Variants in CLEC19A observed in about 807,000 individuals in gnomAD.
The protein encoded by CLEC19A is C-type lectin domain containing 19A, also known as C-type lectin domain family 19 member A.
Under a neutral mutation model 26.1 loss-of-function variants are expected in CLEC19A, and 21 were observed. That is an observed-to-expected ratio of 0.80 (90% CI 0.57 to 1.16). The LOEUF (loss-of-function observed/expected upper bound fraction) is 1.16. Among genes scored for constraint, CLEC19A ranks in the 50% most tolerant of loss-of-function variants. CLEC19A has a pLI of 0.00. For synonymous variants in CLEC19A, 89 were observed against 88.6 expected (o/e 1.00, Z -0.03); for missense variants, 224 against 227.6 (o/e 0.98, Z 0.10).
chr16:19,303,892 T>C (rs1025422164), intron 2 of CLEC19A, 170 bp from the exon 3 acceptor site: 3 of 571,826 alleles, frequency 5.2e-6, no homozygotes, highest in Admixed American at 3.0e-5. Context: ...GAGATGCCCA[T>C]GTAGGACCGG....
intron 2 of CLEC19A, chr16:19,303,824 T>G: frequency 2.5e-6 from 1 of 401,234 alleles, no homozygotes; most frequent in Non-Finnish European, 4.5e-6. Context: ...TGGATTTAAA[T>G]TTTTAGGGAT....
chr16:19,309,074 CATTCATTG>C lies in CLEC19A; in HGVS notation c.555_*1del. 1 of 1,547,926 alleles carries C rather than the reference CATTCATTG, an allele frequency of 6.5e-7. No homozygotes were observed. The highest frequency in any genetic ancestry group is 8.7e-7 in the Non-Finnish European group (1 of 1,146,410). On this transcript the variant is annotated frameshift_variant and stop_lost, in exon 5 of 5. Transcript: ENST00000636231. LOFTEE classifies it high-confidence loss of function. Reference sequence around the variant, plus strand: ...TTGTCTGCAAAATCCCATCTCTGACCATTCATTGATCCTGTCTTGTCCTACTGGTGTGA... The same window carrying C: ...TTGTCTGCAAAATCCCATCTCTGACCATCCTGTCTTGTCCTACTGGTGTGA...
chr16:19,302,849 G>A (rs1897865081), intron 2 of CLEC19A, among the ~76,000 whole-genome samples: 1 of 152,110 alleles, frequency 6.6e-6, no homozygotes, highest in Non-Finnish European at 1.5e-5. Context: ...GTCCAGACAT[G>A]GCTACAACCT....
intron 2 of CLEC19A, among the ~76,000 whole-genome samples, chr16:19,299,595 C>G (rs984025673): frequency 1.3e-5 from 2 of 152,222 alleles, no homozygotes; most frequent in Non-Finnish European, 2.9e-5. Context: ...TATATTCCCC[C>G]TGCTGGGAAT....
chr16:19,289,615 G>C (rs149471369), intron 1 of CLEC19A, among the ~76,000 whole-genome samples: 7 of 152,234 alleles, frequency 4.6e-5, no homozygotes, highest in Admixed American at 2.6e-4. Context: ...GGGATGATAC[G>C]GATACTCCCT....
chr16:19,305,516 T>C (rs1897933001), intron 3 of CLEC19A, among the ~76,000 whole-genome samples: 1 of 152,160 alleles, frequency 6.6e-6, no homozygotes, highest in South Asian at 2.1e-4. Flanking sequence ...GAGTCTCTAT[T>C]TTGCGTGTAT....
chr16:19,309,987 A>C lies in CLEC19A; in HGVS notation c.*904A>C, dbSNP rs1898037322. 2 of 152,166 alleles carry C rather than the reference A, an allele frequency of 1.3e-5. No individual in the cohort carries two copies. The highest frequency in any genetic ancestry group is 4.1e-4 in the South Asian group (2 of 4,820). The allele number at this position is 152,166 out of a possible 1,614,324, so 9.4% of individuals were successfully genotyped here. A position where few individuals can be genotyped will look rare whatever the true frequency, so the allele number is the denominator to read the frequency against. On this transcript the variant is annotated 3_prime_UTR_variant, in exon 5 of 5. Coordinates refer to ENST00000636231, the MANE Select transcript of CLEC19A (RefSeq NM_001256720.2). Reference sequence around the variant, plus strand: ...TTCCCGTCAACACATGGGCTCAAAGATGAGGCTGGTTCTTCAAAGGAAAAC... The same window carrying C: ...TTCCCGTCAACACATGGGCTCAAAGCTGAGGCTGGTTCTTCAAAGGAAAAC...
chr16:19,299,203 C>T (rs1897766857), intron 2 of CLEC19A, among the ~76,000 whole-genome samples: 1 of 152,194 alleles, frequency 6.6e-6, no homozygotes, highest in Admixed American at 6.5e-5. Flanking sequence ...CTTGTGCTGT[C>T]CTCTGCTCTG....
rs1049384651 is a variant in CLEC19A, at chr16:19,304,050, T to C, written c.255-12T>C. ...CATGAGGAATCAGCTACTATTATTC[T>C]TAAATTCGCAGCTGGGAGGAGAATG... On this transcript the variant is annotated splice_polypyrimidine_tract_variant and intron_variant, in intron 2 of 4. Coordinates refer to ENST00000636231, the MANE Select transcript of CLEC19A (RefSeq NM_001256720.2). 2 of 1,544,816 alleles carry C rather than the reference T, an allele frequency of 1.3e-6. No individual in the cohort carries two copies. The highest frequency in any genetic ancestry group is 1.4e-5 in the African/African-American group (1 of 72,918).
intron 2 of CLEC19A, chr16:19,303,834 T>C (rs1251957943): frequency 2.4e-6 from 1 of 420,782 alleles, no homozygotes; most frequent in Non-Finnish European, 4.3e-6. Context: ...TTTTTAGGGA[T>C]GAGTAGCAGT....
At chr16:19,304,227 T>A (rs746393825) in intron 3 of CLEC19A, 72 bp downstream of exon 3, 1 of 1,279,532 alleles carries the variant, frequency 7.8e-7, no homozygotes, top group South Asian at 1.3e-5. Flanking sequence ...AATAAGCTTT[T>A]CACATCAGTG....
intron 2 of CLEC19A, 91 bp from the exon 3 acceptor site, chr16:19,303,971 G>A (rs1038793384): frequency 3.7e-6 from 4 of 1,073,480 alleles, no homozygotes; most frequent in Non-Finnish European, 4.0e-6. Flanking sequence ...CTTTGGTCCA[G>A]GAAGGTAAAT....
intron 1 of CLEC19A, among the ~76,000 whole-genome samples, chr16:19,298,469 A>G (rs1287670768): frequency 6.6e-6 from 1 of 152,076 alleles, no homozygotes; most frequent in Non-Finnish European, 1.5e-5. Flanking sequence ...CAGGAGGCTG[A>G]GGTGGGAGTA....
rs1005192821 is a variant in CLEC19A at position 19,304,083 on chromosome 16, A to G, written c.276A>G (p.Val92=). 1.3e-6 allele frequency: 2 copies of G among 1,550,518 alleles called. No individual in the cohort carries two copies. The highest frequency in any genetic ancestry group is 2.0e-5 in the Admixed American group (1 of 51,004). ...SIHSWEENVF[V]YDLVNSCVPG... is the part of the protein sequence containing the mutation. The stretch of plus-strand genomic sequence containing the variant: ...GCAGCTGGGAGGAGAATGTCTTTGT[A>G]TATGACCTCGTGAACAGCTGTGTTC... Residue 92 remains valine (V), a synonymous_variant, in exon 3 of 5, where the codon GTA becomes GTG. Transcript: ENST00000636231.
At chr16:19,303,292 T>C (rs927451687) in intron 2 of CLEC19A, among the ~76,000 whole-genome samples, 1 of 152,228 alleles carries the variant, frequency 6.6e-6, no homozygotes, top group African/African-American at 2.4e-5. Context: ...TATTCATTCA[T>C]CCACCCATTC....
chr16:19,308,922 T>C, intron 4 of CLEC19A, 82 bp from the exon 5 acceptor site: 1 of 1,143,524 alleles, frequency 8.7e-7, no homozygotes. Context: ...TGGAGATGGC[T>C]TTTACTTCAG....
intron 1 of CLEC19A, among the ~76,000 whole-genome samples, chr16:19,296,845 T>C (rs1048028511): frequency 6.6e-6 from 1 of 152,066 alleles, no homozygotes; most frequent in Non-Finnish European, 1.5e-5. Context: ...CACCCCTGAG[T>C]GGATGGCTAC....
At chr16:19,308,043 C>A (rs1897993714) in intron 4 of CLEC19A, among the ~76,000 whole-genome samples, 1 of 152,174 alleles carries the variant, frequency 6.6e-6, no homozygotes, top group African/African-American at 2.4e-5. Context: ...GACTCATGCT[C>A]CTGAAGCAAG....
rs1488804783 is a variant in CLEC19A at position 19,298,740 on chromosome 16, T to A, written c.156T>A (p.Tyr52Ter). ...GGATGGAGTTCAAAGGCCACTGCTA[T>A]CGATTCTTCCCTCTCAATAAGACCT... ...LFWMEFKGHC[Y>*]RFFPLNKTWA... The change falls in exon 2 of 5, where the codon TAT (tyrosine) becomes TAA (stop). Residue 52 changes from tyrosine to a stop codon, truncating the protein, a stop_gained. Transcript: ENST00000636231. LOFTEE classifies it high-confidence loss of function. The A allele has an allele frequency of 2.6e-6, 4 of 1,550,886 alleles. No individual in the cohort carries two copies. Among genetic ancestry groups the A allele is most frequent in the Admixed American group, 3.9e-5 (2 of 50,970 alleles).
Sources: gnomAD v4.1 joint callset for allele counts (sites outside exome capture counted in the v4.1 genomes callset) on GRCh38, gnomAD v4.1.1 for gene constraint, MANE v1.5 for transcripts, NCBI Gene and HGNC (gene_info 2026-07-23, HGNC 2026-07-21) for gene names.